TRPM8: variants seen among roughly 807,000 people sequenced by gnomAD.
TRPM8 encodes the protein TRPM8 cationic channel.
A neutral mutation model predicts 133.7 loss-of-function variants in TRPM8; 110 were observed. The observed-to-expected ratio is 0.82, with a 90% CI of 0.70 to 0.96. TRPM8 has a LOEUF of 0.96. Ranked by LOEUF, TRPM8 falls within the 40% of genes least tolerant of loss-of-function variation. The pLI, the probability that TRPM8 is intolerant of heterozygous loss-of-function variation, is 0.00. For missense variants in TRPM8, 1,291 were observed against 1,379.5 expected (o/e 0.94, Z 1.02); for synonymous variants, 535 against 532.3 (o/e 1.01, Z -0.07).
In TRPM8 at chr2:233,942,762, A is replaced by G. The variant is rs1276196502; in HGVS notation, c.699+14A>G. ...TGCGATGCTGAGGTACCGGTGGGAC[A>G]GGAGGAGGTCTGCTAGGTCACATGG... On this transcript the variant is annotated intron_variant, in intron 6 of 25. Coordinates refer to ENST00000324695, the MANE Select transcript of TRPM8 (RefSeq NM_024080.5). 3.7e-6 allele frequency: 6 copies of G among 1,613,702 alleles called. No homozygotes were observed. Among genetic ancestry groups the G allele is most frequent in the Non-Finnish European group, 5.1e-6 (6 of 1,180,044 alleles).
intron 2 of TRPM8, among the ~76,000 whole-genome samples, chr2:233,927,847 CCTTCCTTTCTTTCTCTTTCTT>C (rs1691579635): frequency 6.3e-5 from 3 of 47,890 alleles, no homozygotes; most frequent in Non-Finnish European, 1.1e-4. Flanking sequence ...TTCCTTCCTT[CCTTCCTTTCTTTCTCTTTCTT>C]TCTTTCTTTC....
intron 2 of TRPM8, among the ~76,000 whole-genome samples, chr2:233,930,263 T>G (rs1335419782): frequency 1.3e-5 from 2 of 152,236 alleles, no homozygotes; most frequent in African/African-American, 2.4e-5. Flanking sequence ...AATACATTTA[T>G]GAACGGTTTT....
chr2:233,980,243 TG>T lies in TRPM8; in HGVS notation c.2415del (p.Leu806PhefsTer5). On this transcript the variant is annotated frameshift_variant, in exon 18 of 26. Transcript: ENST00000324695. LOFTEE classifies it high-confidence loss of function. Reference sequence around the variant, plus strand: ...GACCTGTGGAATGTGATGGACACGCTGGGGCTTTTTTACTTCATAGCAGGAA... The same window carrying T: ...GACCTGTGGAATGTGATGGACACGCTGGGCTTTTTTACTTCATAGCAGGAA... ...FTDLWNVMDT[L>X]GLFYFIAGIV... The T allele has an allele frequency of 6.2e-7, 1 of 1,602,400 alleles. No homozygotes were observed. Among genetic ancestry groups the T allele is most frequent in the Non-Finnish European group, 8.5e-7 (1 of 1,176,632 alleles).
chr2:234,003,156 G>A (rs11886103), intron 22 of TRPM8, among the ~76,000 whole-genome samples: 2,487 of 152,214 alleles, frequency 0.016, 48 homozygotes, highest in African/African-American at 0.046. Context: ...ACATATTTCT[G>A]TGCTCTCCCT....
chr2:233,938,413 A>G (rs1482847403), intron 4 of TRPM8, among the ~76,000 whole-genome samples: 4 of 152,206 alleles, frequency 2.6e-5, no homozygotes, highest in Non-Finnish European at 4.4e-5. Context: ...TATCTTGCCA[A>G]GGTTGAGGAG....
rs1389283337 is a variant in TRPM8 at position 233,970,245 on chromosome 2, G to A, written c.2174G>A (p.Trp725Ter). Reference sequence around the variant, plus strand: ...GTCGACAAGCACAAGAAGCTGCTTTGGTACTATGTGGCGTTCTTCACCTCC... The same window carrying A: ...GTCGACAAGCACAAGAAGCTGCTTTAGTACTATGTGGCGTTCTTCACCTCC... The part of the protein sequence containing the change: ...KPVDKHKKLL[W>*]YYVAFFTSPF... The change falls in exon 17 of 26, where the codon TGG becomes TAG. Residue 725 changes from tryptophan to a stop codon, truncating the protein, a stop_gained. Transcript: ENST00000324695. LOFTEE classifies it high-confidence loss of function. 1.9e-6 allele frequency: 3 copies of A among 1,614,144 alleles called. No homozygotes were observed. The highest frequency in any genetic ancestry group is 2.5e-6 in the Non-Finnish European group (3 of 1,180,042).
chr2:233,958,213 A>G (rs1691339204), intron 11 of TRPM8, among the ~76,000 whole-genome samples: 1 of 152,086 alleles, frequency 6.6e-6, no homozygotes, highest in Non-Finnish European at 1.5e-5. Flanking sequence ...CTGAACTTGA[A>G]TCTCTGAGAG....
chr2:233,960,946 C>A lies in TRPM8; in HGVS notation c.1533C>A (p.Ile511=). 4 of 1,614,188 alleles carry A rather than the reference C, an allele frequency of 2.5e-6. No individual in the cohort carries two copies. Among genetic ancestry groups the A allele is most frequent in the South Asian group, 1.1e-5 (1 of 91,070 alleles). The change falls in exon 12 of 26, where the codon ATC becomes ATA. Residue 511 remains isoleucine, a synonymous_variant. Coordinates refer to ENST00000324695, the MANE Select transcript of TRPM8 (RefSeq NM_024080.5). The part of the protein sequence containing the change: ...FSTLVYRNLQ[I]AKNSYNDALL... ...CGCTTGTGTACCGGAATCTGCAGAT[C>A]GCCAAGAATTCCTATAATGATGCCC...
chr2:234,014,688 G>T, intron 25 of TRPM8, 34 bp downstream of exon 25: 1 of 777,082 alleles, frequency 1.3e-6, no homozygotes, highest in Non-Finnish European at 2.0e-6. Context: ...ACTTTGCTCT[G>T]AAGATTTGCA....
At chr2:233,964,781 G>T in intron 14 of TRPM8, 24 bp downstream of exon 14, 2 of 1,589,190 alleles carry the variant, frequency 1.3e-6, no homozygotes, top group South Asian at 2.2e-5. Context: ...GTGGAATGCT[G>T]TGGTGGGCGC....
intron 3 of TRPM8, chr2:233,933,677 G>A (rs1691725274): frequency 6.6e-6 from 1 of 152,424 alleles, no homozygotes; most frequent in Non-Finnish European, 1.5e-5. Flanking sequence ...ACCCTTAGCA[G>A]GGAAAAGGGC....
At chr2:233,955,412 C>A in intron 11 of TRPM8, 162 bp downstream of exon 11, 1 of 571,834 alleles carries the variant, frequency 1.7e-6, no homozygotes, top group Non-Finnish European at 3.1e-6. Context: ...TTGTTTGCAG[C>A]ATGGAATCAT....
At chr2:233,955,379 A>C (rs1302070789) in intron 11 of TRPM8, 129 bp downstream of exon 11, 2 of 659,108 alleles carry the variant, frequency 3.0e-6, no homozygotes, top group African/African-American at 1.8e-5. Flanking sequence ...CCAGAATATC[A>C]GGATTGCTGA....
intron 24 of TRPM8, among the ~76,000 whole-genome samples, chr2:234,012,532 G>T (rs1349935990): frequency 6.6e-6 from 1 of 151,810 alleles, no homozygotes; most frequent in Non-Finnish European, 1.5e-5. Flanking sequence ...CTTCATATAA[G>T]ATTATGTTAT....
At chr2:233,992,359 T>G (rs1444680906) in intron 21 of TRPM8, among the ~76,000 whole-genome samples, 1 of 152,120 alleles carries the variant, frequency 6.6e-6, no homozygotes, top group African/African-American at 2.4e-5. Flanking sequence ...TTTTTCCCTT[T>G]GATCTAGTAT....
At chr2:233,981,516 G>A (rs1381598007) in intron 18 of TRPM8, among the ~76,000 whole-genome samples, 1 of 151,972 alleles carries the variant, frequency 6.6e-6, no homozygotes, top group Non-Finnish European at 1.5e-5. Context: ...TGAGGATGGC[G>A]GGCTAAAGAG....
At chr2:233,961,471 A>T (rs1284730644) in intron 12 of TRPM8, among the ~76,000 whole-genome samples, 1 of 151,818 alleles carries the variant, frequency 6.6e-6, no homozygotes, top group African/African-American at 2.4e-5. Flanking sequence ...ACGTGTGGCT[A>T]ATTTTTGTAT....
chr2:233,958,058 A>G (rs1432205045), intron 11 of TRPM8, among the ~76,000 whole-genome samples: 1 of 152,234 alleles, frequency 6.6e-6, no homozygotes, highest in East Asian at 1.9e-4. Context: ...GTGACCTTTT[A>G]CAGTGCCCAA....
chr2:233,947,066 C>T (rs180875137), intron 7 of TRPM8, 22 bp from the exon 8 acceptor site: 135 of 1,610,434 alleles, frequency 8.4e-5, no homozygotes, highest in Middle Eastern at 3.3e-4. Context: ...TCAAAATATG[C>T]TTTACTTTTT....
Sources: allele counts gnomAD v4.1 joint callset (sites outside exome capture counted in the v4.1 genomes callset), GRCh38; gene constraint gnomAD v4.1.1; transcripts MANE v1.5; gene names NCBI Gene and HGNC (gene_info 2026-07-23, HGNC 2026-07-21).